The following ADGRB3 variants were observed in gnomAD, a reference collection of about 807,000 sequenced individuals.
The protein encoded by ADGRB3 is brain-specific angiogenesis inhibitor 3.
ADGRB3 carries 37 observed loss-of-function variants against 193.4 expected under a neutral mutation model. The ratio of observed to expected loss-of-function variants is 0.19; its 90% CI spans 0.15 to 0.25. The LOEUF is 0.25. ADGRB3 is among the 10% of genes least tolerant of loss of function. The pLI is 1.00. For synonymous variants in ADGRB3, 690 were observed against 644.2 expected (o/e 1.07, Z -1.08); for missense variants, 1,637 against 1,852.9 (o/e 0.88, Z 2.14).
chr6:68,989,938 A>G (rs141773992), intron 10 of ADGRB3, among the ~76,000 whole-genome samples: 11 of 152,264 alleles, frequency 7.2e-5, no homozygotes, highest in Admixed American at 6.5e-4. Flanking sequence ...GATATATGAT[A>G]TCAGGCAATT....
intron 16 of ADGRB3, among the ~76,000 whole-genome samples, chr6:69,073,468 G>A (rs1339836436): frequency 1.3e-5 from 2 of 151,874 alleles, no homozygotes; most frequent in Admixed American, 1.3e-4. Context: ...ACTTTGAAGG[G>A]TGAGAAAAAA....
chr6:69,220,913 A>G (rs1298037864), intron 17 of ADGRB3, among the ~76,000 whole-genome samples: 2 of 152,048 alleles, frequency 1.3e-5, no homozygotes, highest in Admixed American at 6.6e-5. Flanking sequence ...ACACCCCTTT[A>G]TCACTAAATC....
At chr6:68,810,554 G>A (rs1010246343) in intron 3 of ADGRB3, among the ~76,000 whole-genome samples, 1 of 152,202 alleles carries the variant, frequency 6.6e-6, no homozygotes, top group African/African-American at 2.4e-5. Context: ...ATCAGAGGAA[G>A]TCAACGGATC....
intron 3 of ADGRB3, among the ~76,000 whole-genome samples, chr6:68,647,485 T>A (rs1768245137): frequency 6.6e-6 from 1 of 152,148 alleles, no homozygotes; most frequent in Non-Finnish European, 1.5e-5. Context: ...TGATTTAGAG[T>A]GCCACTTAAT....
At chr6:69,134,736 C>T (rs1032176537) in intron 17 of ADGRB3, among the ~76,000 whole-genome samples, 3 of 151,348 alleles carry the variant, frequency 2.0e-5, no homozygotes, top group Non-Finnish European at 4.4e-5. Context: ...TGTATATATA[C>T]ATGTATATAT....
chr6:68,987,321 A>C (rs185632453), intron 10 of ADGRB3, among the ~76,000 whole-genome samples: 10 of 152,100 alleles, frequency 6.6e-5, no homozygotes, highest in Admixed American at 1.3e-4. Context: ...TACCTACAAA[A>C]TCTTCTATAG....
chr6:69,332,358 G>A, intron 23 of ADGRB3: 2 of 985,384 alleles, frequency 2.0e-6, no homozygotes, highest in Non-Finnish European at 2.4e-6. Flanking sequence ...AAAAGATTCT[G>A]GTGAATTGAA....
intron 17 of ADGRB3, among the ~76,000 whole-genome samples, chr6:69,227,479 G>A (rs1766044303): frequency 6.6e-6 from 1 of 152,124 alleles, no homozygotes; most frequent in African/African-American, 2.4e-5. Flanking sequence ...AAACTTGAGG[G>A]TAAATGGCGA....
At chr6:69,176,581 A>G (rs1775433841) in intron 17 of ADGRB3, among the ~76,000 whole-genome samples, 1 of 152,094 alleles carries the variant, frequency 6.6e-6, no homozygotes, top group African/African-American at 2.4e-5. Flanking sequence ...TTCATCAGGG[A>G]TAGTGGCCTG....
chr6:68,767,969 A>T (rs112288520), intron 3 of ADGRB3, among the ~76,000 whole-genome samples: 2,460 of 152,308 alleles, frequency 0.016, 63 homozygotes, highest in African/African-American at 0.054. Context: ...ATGCCTAGGA[A>T]TAAAACTTAC....
At chr6:68,642,060 T>A (rs1768095467) in intron 3 of ADGRB3, among the ~76,000 whole-genome samples, 1 of 152,084 alleles carries the variant, frequency 6.6e-6, no homozygotes, top group Non-Finnish European at 1.5e-5. Flanking sequence ...TTTATATTAC[T>A]TGGTGTTTTC....
chr6:69,332,996 A>AAGCTTTTTTT lies in ADGRB3; in HGVS notation c.3177_3178insGCTTTTTTTA (p.His1060AlafsTer11). 6.2e-7 allele frequency: 1 copy of AAGCTTTTTTT among 1,613,922 alleles called. No individual in the cohort carries two copies. Among genetic ancestry groups the AAGCTTTTTTT allele is most frequent in the Non-Finnish European group, 8.5e-7 (1 of 1,179,908 alleles). On this transcript the variant is annotated frameshift_variant, in exon 24 of 32. Transcript: ENST00000370598. LOFTEE classifies it high-confidence loss of function. ...GATGGAATCCTAGATAAAAAGCTCA[A>AAGCTTTTTTT]ACACAGAGCCGGGTAAGCTGCAATT...
At chr6:69,204,197 T>C (rs1018815897) in intron 17 of ADGRB3, among the ~76,000 whole-genome samples, 3 of 152,180 alleles carry the variant, frequency 2.0e-5, no homozygotes, top group Non-Finnish European at 2.9e-5. Flanking sequence ...TTGTGTAAAA[T>C]ATAAAAAGCC....
chr6:69,240,474 A>T (rs1353121787), intron 20 of ADGRB3, among the ~76,000 whole-genome samples: 1 of 152,048 alleles, frequency 6.6e-6, no homozygotes, highest in East Asian at 1.9e-4. Flanking sequence ...ATTAAAATAT[A>T]GTTCAGGTCC....
At chr6:68,673,395 T>C (rs1769012871) in intron 3 of ADGRB3, among the ~76,000 whole-genome samples, 2 of 152,096 alleles carry the variant, frequency 1.3e-5, no homozygotes, top group Admixed American at 6.6e-5. Flanking sequence ...GAAAAGATAA[T>C]ATGTACAGCA....
At chr6:69,378,362 T>C (rs1205817822) in intron 30 of ADGRB3, among the ~76,000 whole-genome samples, 2 of 151,946 alleles carry the variant, frequency 1.3e-5, no homozygotes, top group Non-Finnish European at 2.9e-5. Context: ...ATGAGACACA[T>C]CTAAGATAGC....
intron 8 of ADGRB3, among the ~76,000 whole-genome samples, chr6:68,973,640 A>G (rs774987024): frequency 2.6e-5 from 4 of 152,172 alleles, no homozygotes; most frequent in Non-Finnish European, 5.9e-5. Flanking sequence ...ACATATATTC[A>G]TTTATTTATT....
At chr6:69,118,652 G>C (rs574468301) in intron 17 of ADGRB3, among the ~76,000 whole-genome samples, 3 of 151,638 alleles carry the variant, frequency 2.0e-5, no homozygotes, top group Non-Finnish European at 4.4e-5. Flanking sequence ...ACACTAGATA[G>C]AGGTTAGATT....
intron 17 of ADGRB3, among the ~76,000 whole-genome samples, chr6:69,167,919 A>T (rs1380772721): frequency 6.6e-6 from 1 of 152,012 alleles, no homozygotes; most frequent in African/African-American, 2.4e-5. Flanking sequence ...CAACAATGGA[A>T]TTTTTTCCTA....
Sources: gnomAD v4.1 joint callset for allele counts (sites outside exome capture counted in the v4.1 genomes callset) on GRCh38, gnomAD v4.1.1 for gene constraint, MANE v1.5 for transcripts, NCBI Gene and HGNC (gene_info 2026-07-23, HGNC 2026-07-21) for gene names.